NMNAT2: variants seen among roughly 807,000 people sequenced by gnomAD.
NMNAT2 encodes nicotinamide/nicotinic acid mononucleotide adenylyltransferase 2.
NMNAT2 carries 11 observed loss-of-function variants against 41.6 expected under a neutral mutation model. The ratio of observed to expected loss-of-function variants is 0.26; its 90% CI spans 0.17 to 0.44. The LOEUF is 0.44. Ranked by LOEUF, NMNAT2 falls within the 20% of genes least tolerant of loss-of-function variation. The pLI is 1.00. For missense variants in NMNAT2, 288 were observed against 407.7 expected, an observed-to-expected ratio of 0.71 and a Z score of 2.53; for synonymous variants, 148 against 151.2, an observed-to-expected ratio of 0.98 and a Z score of 0.16.
At chr1:183,344,749 C>T (rs1366654713) in intron 1 of NMNAT2, among the ~76,000 whole-genome samples, 2 of 152,100 alleles carry the variant, frequency 1.3e-5, no homozygotes, top group Non-Finnish European at 2.9e-5. Flanking sequence ...ATTTAGAGGC[C>T]CCACGAAGTA....
intron 1 of NMNAT2, among the ~76,000 whole-genome samples, chr1:183,395,728 TA>T (rs1348228829): frequency 1.3e-5 from 2 of 152,130 alleles, no homozygotes; most frequent in African/African-American, 4.8e-5. Context: ...AACAGTCCAA[TA>T]AAGGAGGTGT....
chr1:183,278,688 C>G, intron 7 of NMNAT2, 59 bp from the exon 8 acceptor site: 1 of 1,225,120 alleles, frequency 8.2e-7, no homozygotes, highest in Non-Finnish European at 1.2e-6. Context: ...AAGCATTTGA[C>G]CCTCAGCCTT....
chr1:183,289,053 C>T lies in NMNAT2; in HGVS notation c.321+1075G>A, dbSNP rs550378339. On this transcript the variant is annotated intron_variant, in intron 4 of 10. Coordinates refer to ENST00000287713, the MANE Select transcript of NMNAT2 (RefSeq NM_015039.4). ...AGCTCCCCAGGACGGAGCAATGAAG[C>T]GCCACATCTGTTAAAATAAAGCCTG... 7.2e-5 allele frequency among the ~76,000 whole-genome samples: 11 copies of T among 152,338 alleles called. No individual in the cohort carries two copies. In the South Asian group the frequency reaches 1.2e-3, roughly 17 times the overall value.
At chr1:183,301,666 C>A (rs899488556) in intron 1 of NMNAT2, among the ~76,000 whole-genome samples, 3 of 152,216 alleles carry the variant, frequency 2.0e-5, no homozygotes, top group Admixed American at 1.3e-4. Context: ...TTCCAGGCCA[C>A]TTGGAACCAG....
intron 1 of NMNAT2, among the ~76,000 whole-genome samples, chr1:183,331,529 T>C (rs2102338965): frequency 6.6e-6 from 1 of 152,324 alleles, no homozygotes; most frequent in East Asian, 1.9e-4. Context: ...ACACCTTTTC[T>C]TCCTACATGA....
intron 10 of NMNAT2, among the ~76,000 whole-genome samples, chr1:183,254,688 C>G (rs1660473499): frequency 6.6e-6 from 1 of 152,230 alleles, no homozygotes. Context: ...CTTTCCACCT[C>G]AGCCTCCCAG....
chr1:183,357,118 C>A (rs1434499637), intron 1 of NMNAT2, among the ~76,000 whole-genome samples: 1 of 150,084 alleles, frequency 6.7e-6, no homozygotes, highest in Non-Finnish European at 1.5e-5. Flanking sequence ...ATGTGGAGAA[C>A]GTTGGTGAGG....
chr1:183,314,160 G>A (rs947910039), intron 1 of NMNAT2, among the ~76,000 whole-genome samples: 1 of 152,206 alleles, frequency 6.6e-6, no homozygotes, highest in Non-Finnish European at 1.5e-5. Context: ...CTATTTGCCT[G>A]TAGGATAAGA....
chr1:183,299,375 C>CA lies in NMNAT2; in HGVS notation c.86-5583dup, dbSNP rs914658505. Reference sequence around the variant, plus strand: ...TGGGTGACACAGCGAGACTCTGTCTCAAAAAAAAATAAAAAAATAAAAAAA... The same window carrying CA: ...TGGGTGACACAGCGAGACTCTGTCTCAAAAAAAAAATAAAAAAATAAAAAAA... On this transcript the variant is annotated intron_variant, in intron 1 of 10. Coordinates refer to ENST00000287713, the MANE Select transcript of NMNAT2 (RefSeq NM_015039.4). Among the ~76,000 whole-genome samples, 23 of 144,676 alleles carry CA rather than the reference C, an allele frequency of 1.6e-4. No individual in the cohort carries two copies. In the South Asian group the frequency reaches 1.9e-3, roughly 12 times the overall value. 94.9% of individuals were successfully genotyped at this position (144,676 alleles called of 152,430 possible).
chr1:183,389,111 G>A (rs1337521788), intron 1 of NMNAT2, among the ~76,000 whole-genome samples: 1 of 152,134 alleles, frequency 6.6e-6, no homozygotes, highest in African/African-American at 2.4e-5. Flanking sequence ...AGGTATCTCT[G>A]TCCCCAGCCA....
intron 1 of NMNAT2, among the ~76,000 whole-genome samples, chr1:183,343,067 T>C (rs939277519): frequency 4.6e-5 from 7 of 152,116 alleles, no homozygotes; most frequent in African/African-American, 1.7e-4. Context: ...CAAAGTGCAA[T>C]GCAAGATGTT....
intron 10 of NMNAT2, among the ~76,000 whole-genome samples, chr1:183,256,160 C>A (rs1359614616): frequency 6.6e-6 from 1 of 152,024 alleles, no homozygotes; most frequent in East Asian, 1.9e-4. Context: ...GTAATCCCAG[C>A]ACTTTGGGAG....
intron 1 of NMNAT2, among the ~76,000 whole-genome samples, chr1:183,409,468 C>T (rs970808357): frequency 2.0e-5 from 3 of 152,076 alleles, no homozygotes; most frequent in African/African-American, 7.2e-5. Context: ...AGATGCACAC[C>T]ACCACACCTG....
At chr1:183,339,722 A>G (rs539243701) in intron 1 of NMNAT2, among the ~76,000 whole-genome samples, 49 of 152,272 alleles carry the variant, frequency 3.2e-4, no homozygotes, top group Admixed American at 7.2e-4. Flanking sequence ...GTTGTTACAC[A>G]ATGCATTTTT....
intron 8 of NMNAT2, among the ~76,000 whole-genome samples, chr1:183,263,886 C>A (rs1660733521): frequency 1.3e-5 from 2 of 152,080 alleles, no homozygotes; most frequent in South Asian, 4.1e-4. Context: ...TCTTTAAATT[C>A]CCCAGATAAT....
intron 1 of NMNAT2, among the ~76,000 whole-genome samples, chr1:183,384,964 G>A (rs1429560733): frequency 2.6e-5 from 4 of 152,040 alleles, no homozygotes; most frequent in African/African-American, 7.2e-5. Context: ...GTCCAGGGGT[G>A]GGGTGGGAGT....
intron 1 of NMNAT2, among the ~76,000 whole-genome samples, chr1:183,385,800 G>T (rs1378544192): frequency 6.6e-6 from 1 of 152,144 alleles, no homozygotes; most frequent in Non-Finnish European, 1.5e-5. Context: ...AACTCTCTAA[G>T]ATATTGGAAT....
At chr1:183,266,788 G>A in intron 8 of NMNAT2, 1 of 206,390 alleles carries the variant, frequency 4.8e-6, no homozygotes, top group Non-Finnish European at 1.0e-5. Context: ...AAAACTGCCT[G>A]ACTCACTTCC....
chr1:183,279,107 G>C (rs979320683), intron 7 of NMNAT2, among the ~76,000 whole-genome samples: 1 of 152,198 alleles, frequency 6.6e-6, no homozygotes, highest in Non-Finnish European at 1.5e-5. Context: ...TGAGGGGACA[G>C]TGAGTGTACC....
Sources: allele counts gnomAD v4.1 joint callset (sites outside exome capture counted in the v4.1 genomes callset), GRCh38; gene constraint gnomAD v4.1.1; transcripts MANE v1.5; gene names NCBI Gene and HGNC (gene_info 2026-07-23, HGNC 2026-07-21).